The following SLC25A33 variants were observed in gnomAD, a reference collection of about 807,000 sequenced individuals.
SLC25A33 encodes the protein bone marrow stromal cell mitochondrial carrier protein.
A neutral mutation model predicts 35.5 loss-of-function variants in SLC25A33; 15 were observed. The ratio of observed to expected loss-of-function variants is 0.42; its 90% CI spans 0.28 to 0.65. The LOEUF (loss-of-function observed/expected upper bound fraction) is 0.65, where lower values mean the gene tolerates loss of function less well. Among genes scored for constraint, SLC25A33 ranks in the 30% least tolerant of loss-of-function variants. SLC25A33 has a pLI of 0.20. For synonymous variants in SLC25A33, 136 were observed against 148.7 expected (o/e 0.91, Z 0.62); for missense variants, 257 against 398.5 (o/e 0.64, Z 3.02).
At chr1:9,576,675 C>T (rs188087164) in intron 5 of SLC25A33, 19 of 640,820 alleles carry the variant, frequency 3.0e-5, no homozygotes, top group Non-Finnish European at 5.1e-5. Flanking sequence ...CACTGGGCTT[C>T]TGTTACAAGA....
intron 5 of SLC25A33, among the ~76,000 whole-genome samples, chr1:9,577,437 TG>T (rs1326525137): frequency 6.6e-6 from 1 of 151,832 alleles, no homozygotes; most frequent in Non-Finnish European, 1.5e-5. Flanking sequence ...ATTGCACCAT[TG>T]CACTCCACCC....
intron 1 of SLC25A33, among the ~76,000 whole-genome samples, chr1:9,546,428 CCCT>C (rs1643170640): frequency 2.0e-5 from 3 of 152,012 alleles, no homozygotes; most frequent in Non-Finnish European, 4.4e-5. Flanking sequence ...TCGTGATCCG[CCCT>C]CCTCAGCCTC....
At chr1:9,550,472 T>G (rs2100376416) in intron 1 of SLC25A33, among the ~76,000 whole-genome samples, 1 of 152,248 alleles carries the variant, frequency 6.6e-6, no homozygotes, top group Admixed American at 6.5e-5. Context: ...AAGCTCTTTT[T>G]CAATGATTTG....
At chr1:9,552,864 G>C (rs1273528482) in intron 1 of SLC25A33, among the ~76,000 whole-genome samples, 1 of 150,232 alleles carries the variant, frequency 6.7e-6, no homozygotes, top group African/African-American at 2.4e-5. Flanking sequence ...CCCAAAGGAT[G>C]TGCTAACGTG....
chr1:9,553,214 T>TTG (rs1557526490), intron 1 of SLC25A33, among the ~76,000 whole-genome samples: 2 of 136,534 alleles, frequency 1.5e-5, no homozygotes, highest in East Asian at 2.1e-4. Flanking sequence ...TTTTTTTTTT[T>TTG]TTTTTTTTTT....
At chr1:9,580,867 ATAATAATAATAAT>A (rs1195211047) in intron 6 of SLC25A33, among the ~76,000 whole-genome samples, 1 of 126,266 alleles carries the variant, frequency 7.9e-6, no homozygotes, top group Non-Finnish European at 1.6e-5. Context: ...AAAAAAAAAA[ATAATAATAATAAT>A]AATAATAATA....
intron 6 of SLC25A33, among the ~76,000 whole-genome samples, chr1:9,581,472 T>C (rs1359746813): frequency 6.6e-6 from 1 of 152,238 alleles, no homozygotes; most frequent in African/African-American, 2.4e-5. Flanking sequence ...TATTTTGCTG[T>C]AATCCCAGCA....
intron 6 of SLC25A33, among the ~76,000 whole-genome samples, chr1:9,580,698 A>G (rs937183445): frequency 4.6e-5 from 7 of 151,904 alleles, no homozygotes; most frequent in Non-Finnish European, 1.0e-4. Flanking sequence ...TCTACTAAAA[A>G]TACAAAAATT....
chr1:9,560,339 C>T (rs938257945), intron 2 of SLC25A33, among the ~76,000 whole-genome samples: 2 of 151,472 alleles, frequency 1.3e-5, no homozygotes, highest in Admixed American at 6.6e-5. Context: ...CCGAGGCGGG[C>T]GGATCACGAG....
intron 2 of SLC25A33, among the ~76,000 whole-genome samples, chr1:9,557,748 A>T (rs190231336): frequency 7.6e-4 from 116 of 152,286 alleles, no homozygotes; most frequent in Non-Finnish European, 1.4e-3. Context: ...GACGTAATAA[A>T]ATGCAGGTGC....
At chr1:9,543,403 C>G (rs371079830) in intron 1 of SLC25A33, among the ~76,000 whole-genome samples, 14 of 152,178 alleles carry the variant, frequency 9.2e-5, no homozygotes, top group African/African-American at 3.4e-4. Flanking sequence ...CTCAGCCTCC[C>G]AAAGTGTTGG....
At chr1:9,562,894 GACTT>G (rs1254555639) in intron 2 of SLC25A33, among the ~76,000 whole-genome samples, 2 of 147,814 alleles carry the variant, frequency 1.4e-5, no homozygotes, top group East Asian at 2.0e-4. Context: ...ACTAAGGTCT[GACTT>G]ACTACTTTTT....
intron 2 of SLC25A33, among the ~76,000 whole-genome samples, chr1:9,556,705 G>GTGTGTGTC (rs982741863): frequency 6.6e-6 from 1 of 151,868 alleles, no homozygotes; most frequent in Non-Finnish European, 1.5e-5. Flanking sequence ...GTGTGTCTGT[G>GTGTGTGTC]TGTGTGTCTG....
chr1:9,550,012 T>TATATATATATACATA (rs55887722), intron 1 of SLC25A33, among the ~76,000 whole-genome samples: 1 of 33,844 alleles, frequency 3.0e-5, no homozygotes, highest in African/African-American at 8.7e-5. Context: ...TATATATATA[T>TATATATATATACATA]TTTTTTTTTT....
intron 3 of SLC25A33, among the ~76,000 whole-genome samples, chr1:9,569,138 G>C (rs1031423212): frequency 1.3e-5 from 2 of 151,258 alleles, no homozygotes; most frequent in Non-Finnish European, 3.0e-5. Flanking sequence ...CCAGCTGCTC[G>C]GGAGGCTGAG....
At chr1:9,557,228 C>T (rs1043401688) in intron 2 of SLC25A33, among the ~76,000 whole-genome samples, 3 of 152,090 alleles carry the variant, frequency 2.0e-5, no homozygotes, top group Non-Finnish European at 2.9e-5. Flanking sequence ...CCACTGTGCT[C>T]GGCATGAATA....
chr1:9,550,805 G>A (rs1054916019), intron 1 of SLC25A33, among the ~76,000 whole-genome samples: 1 of 151,564 alleles, frequency 6.6e-6, no homozygotes, highest in Non-Finnish European at 1.5e-5. Context: ...CTCGAGTATC[G>A]GGACTACAGG....
chr1:9,572,153 C>G (rs1643598815), intron 4 of SLC25A33, among the ~76,000 whole-genome samples: 1 of 152,156 alleles, frequency 6.6e-6, no homozygotes, highest in Non-Finnish European at 1.5e-5. Context: ...CTATGTGATA[C>G]AGAGCTCTGA....
At chr1:9,579,090 A>G (rs181827615) in intron 5 of SLC25A33, among the ~76,000 whole-genome samples, 3 of 152,332 alleles carry the variant, frequency 2.0e-5, no homozygotes, top group East Asian at 3.9e-4. Flanking sequence ...TCAGCTGACA[A>G]CAGTACAAAG....
Sources: gnomAD v4.1 joint callset for allele counts (sites outside exome capture counted in the v4.1 genomes callset) on GRCh38, gnomAD v4.1.1 for gene constraint, MANE v1.5 for transcripts, NCBI Gene and HGNC (gene_info 2026-07-23, HGNC 2026-07-21) for gene names.